CADM2: variants seen among roughly 807,000 people sequenced by gnomAD.
CADM2 encodes immunoglobulin superfamily member 4D.
A neutral mutation model predicts 49.8 loss-of-function variants in CADM2; 12 were observed. The observed-to-expected ratio is 0.24, with a 90% confidence interval of 0.15 to 0.39. The LOEUF (loss-of-function observed/expected upper bound fraction) is 0.39. Ranked by LOEUF, CADM2 falls within the 10% of genes least tolerant of loss-of-function variation. CADM2 has a pLI of 1.00. For synonymous variants in CADM2, 214 were observed against 175.4 expected (o/e 1.22, Z -1.74); for missense variants, 378 against 492.3 (o/e 0.77, Z 2.20).
intron 7 of CADM2, among the ~76,000 whole-genome samples, chr3:85,960,872 C>A (rs537027606): frequency 6.6e-6 from 1 of 150,790 alleles, no homozygotes; most frequent in Admixed American, 6.6e-5. Flanking sequence ...AAGGGTGGCT[C>A]TAAGTGCAAA....
chr3:85,108,133 T>G (rs948367941), intron 1 of CADM2, among the ~76,000 whole-genome samples: 3 of 151,988 alleles, frequency 2.0e-5, no homozygotes, highest in Admixed American at 6.6e-5. Flanking sequence ...ATGTTTCTAG[T>G]AGCATTATTT....
chr3:86,049,807 A>T (rs956662674), intron 8 of CADM2, among the ~76,000 whole-genome samples: 37 of 152,130 alleles, frequency 2.4e-4, no homozygotes, highest in Admixed American at 1.6e-3. Flanking sequence ...GGCGGTGCCA[A>T]ACCGTTCATG....
rs534921395 is a variant in CADM2 at position 85,292,026 on chromosome 3, G to A, written c.61+332358G>A. The stretch of plus-strand genomic sequence containing the variant: ...ATAAACAGTCAAGACCCATCAGTGT[G>A]CTGTATTCAGGAAACCCATCTCATG... On this transcript the variant is annotated intron_variant, in intron 1 of 9. Coordinates refer to ENST00000383699, the MANE Select transcript of CADM2 (RefSeq NM_001167675.2). Among the ~76,000 whole-genome samples the A allele has an allele frequency of 2.6e-4, 40 of 152,008 alleles. No homozygotes were observed. The South Asian group carries it at 5.2e-3, about 20-fold the overall frequency.
At chr3:85,244,960 A>AT (rs558174966) in intron 1 of CADM2, among the ~76,000 whole-genome samples, 207 of 152,142 alleles carry the variant, frequency 1.4e-3, no homozygotes, top group Non-Finnish European at 2.5e-3. Context: ...TATTTTATCT[A>AT]TTTTACAAAA....
chr3:85,751,673 C>G (rs957041977), intron 2 of CADM2, among the ~76,000 whole-genome samples: 9 of 152,220 alleles, frequency 5.9e-5, no homozygotes, highest in African/African-American at 1.4e-4. Flanking sequence ...CCCAAAGTAC[C>G]CATTTGCTTT....
chr3:85,387,703 G>T (rs1355302058), intron 1 of CADM2, among the ~76,000 whole-genome samples: 1 of 151,998 alleles, frequency 6.6e-6, no homozygotes, highest in African/African-American at 2.4e-5. Context: ...CTATTATTTT[G>T]AAATATATGT....
At chr3:85,838,366 G>A (rs2074492918) in intron 3 of CADM2, among the ~76,000 whole-genome samples, 1 of 151,832 alleles carries the variant, frequency 6.6e-6, no homozygotes, top group Admixed American at 6.6e-5. Flanking sequence ...CAGTAGCAGA[G>A]CATTAATCAC....
intron 7 of CADM2, among the ~76,000 whole-genome samples, chr3:85,944,667 T>G (rs1722409187): frequency 1.3e-5 from 2 of 152,124 alleles, no homozygotes; most frequent in African/African-American, 4.8e-5. Context: ...AACCTGCTCC[T>G]GAATGACTAC....
chr3:85,612,119 C>G (rs949899412), intron 1 of CADM2, among the ~76,000 whole-genome samples: 16 of 151,774 alleles, frequency 1.1e-4, no homozygotes, highest in African/African-American at 3.9e-4. Flanking sequence ...ATTCAAGAAA[C>G]TAATAACAGT....
intron 1 of CADM2, among the ~76,000 whole-genome samples, chr3:85,406,056 A>G (rs1313473793): frequency 6.6e-6 from 1 of 152,070 alleles, no homozygotes; most frequent in Non-Finnish European, 1.5e-5. Flanking sequence ...TAATTTAACT[A>G]TAAATGGATT....
At chr3:85,196,030 T>A (rs2041336162) in intron 1 of CADM2, among the ~76,000 whole-genome samples, 1 of 152,110 alleles carries the variant, frequency 6.6e-6, no homozygotes. Flanking sequence ...AATCTGAGTC[T>A]GACAATTATG....
chr3:85,204,077 G>C (rs1173547723), intron 1 of CADM2, among the ~76,000 whole-genome samples: 2 of 152,212 alleles, frequency 1.3e-5, no homozygotes, highest in South Asian at 2.1e-4. Context: ...ATGAACAAAA[G>C]CTTTGCCTTG....
At chr3:85,836,097 G>A (rs1195201558) in intron 3 of CADM2, among the ~76,000 whole-genome samples, 1 of 151,440 alleles carries the variant, frequency 6.6e-6, no homozygotes, top group Non-Finnish European at 1.5e-5. Context: ...TAAAAATGAT[G>A]TTATTGACTT....
At chr3:85,163,024 A>G (rs989381307) in intron 1 of CADM2, among the ~76,000 whole-genome samples, 1 of 152,078 alleles carries the variant, frequency 6.6e-6, no homozygotes, top group Admixed American at 6.6e-5. Flanking sequence ...AAGTAACCTC[A>G]GTCTCAAACT....
At chr3:85,796,544 A>G (rs1372014387) in intron 2 of CADM2, among the ~76,000 whole-genome samples, 1 of 152,130 alleles carries the variant, frequency 6.6e-6, no homozygotes, top group Non-Finnish European at 1.5e-5. Flanking sequence ...GGCAACTCTG[A>G]GAGGTTGGCA....
At chr3:85,456,302 G>C (rs988645426) in intron 1 of CADM2, among the ~76,000 whole-genome samples, 2 of 152,146 alleles carry the variant, frequency 1.3e-5, no homozygotes, top group Non-Finnish European at 2.9e-5. Context: ...GACAATGTCT[G>C]AGCTCTGACC....
At chr3:85,610,708 G>A (rs2063660201) in intron 1 of CADM2, among the ~76,000 whole-genome samples, 1 of 151,892 alleles carries the variant, frequency 6.6e-6, no homozygotes, top group Non-Finnish European at 1.5e-5. Flanking sequence ...ATGGCAACGT[G>A]CAATAAATGT....
At chr3:85,819,266 G>T (rs1338481124) in intron 3 of CADM2, among the ~76,000 whole-genome samples, 1 of 152,082 alleles carries the variant, frequency 6.6e-6, no homozygotes, top group Admixed American at 6.6e-5. Context: ...ATTGGATGGT[G>T]CCCACCCACA....
At position 85,226,394 on chromosome 3, in the gene CADM2, T is replaced by C. The variant is rs565056420; in HGVS notation, c.61+266726T>C. On this transcript the variant is annotated intron_variant, in intron 1 of 9. Coordinates refer to ENST00000383699, the MANE Select transcript of CADM2 (RefSeq NM_001167675.2). ...GAATTTATCCATTTCTTCTAGACTT[T>C]GTAGTTTATTTGCATAGAGGTGTTT... Among the ~76,000 whole-genome samples the C allele has an allele frequency of 5.3e-5, 8 of 152,288 alleles. No homozygotes were observed. The East Asian group carries it at 1.2e-3, about 22-fold the overall frequency.
Sources: allele counts gnomAD v4.1 joint callset (sites outside exome capture counted in the v4.1 genomes callset), GRCh38; gene constraint gnomAD v4.1.1; transcripts MANE v1.5; gene names NCBI Gene and HGNC (gene_info 2026-07-23, HGNC 2026-07-21).